GAS7: variants seen among roughly 807,000 people sequenced by gnomAD.
GAS7 encodes the protein growth arrest specific 7, also known as growth arrest-specific protein 7.
Under a neutral mutation model 71.1 loss-of-function variants are expected in GAS7, and 28 were observed. That is an observed-to-expected ratio of 0.39 (90% confidence interval 0.29 to 0.54). The LOEUF (loss-of-function observed/expected upper bound fraction) is 0.54. Among genes scored for constraint, GAS7 ranks in the 20% least tolerant of loss-of-function variants. The pLI is 0.62. For missense variants in GAS7, 436 were observed against 627.8 expected, an observed-to-expected ratio of 0.69 and a Z score of 3.27; for synonymous variants, 258 against 245.8, an observed-to-expected ratio of 1.05 and a Z score of -0.46.
intron 1 of GAS7, among the ~76,000 whole-genome samples, chr17:10,093,248 T>C (rs1376010127): frequency 6.6e-6 from 1 of 152,164 alleles, no homozygotes; most frequent in Admixed American, 6.5e-5. Context: ...TCCATTCATA[T>C]CTAATATCCT....
chr17:10,016,620 A>C (rs9893534), intron 2 of GAS7, among the ~76,000 whole-genome samples: 12,056 of 131,484 alleles, frequency 0.092, 1,086 homozygotes, highest in African/African-American at 0.24. Context: ...AAAAAAAAAA[A>C]AAAACAAAAC....
At chr17:10,100,081 C>T (rs115151008) in intron 1 of GAS7, among the ~76,000 whole-genome samples, 2,064 of 152,078 alleles carry the variant, frequency 0.014, 46 homozygotes, top group African/African-American at 0.047. Flanking sequence ...TTAAAGGCTC[C>T]GAAAGAGGAA....
chr17:10,032,629 A>G (rs1019712554), intron 1 of GAS7, among the ~76,000 whole-genome samples: 21 of 152,206 alleles, frequency 1.4e-4, no homozygotes, highest in African/African-American at 5.1e-4. Context: ...CACAAGGAAA[A>G]TATCAAGGCA....
At chr17:9,947,771 A>G (rs1452378417) in intron 5 of GAS7, among the ~76,000 whole-genome samples, 6 of 151,704 alleles carry the variant, frequency 4.0e-5, no homozygotes, top group African/African-American at 1.5e-4. Flanking sequence ...TCTCAAAAAA[A>G]AAAAAAAGAA....
chr17:10,130,329 TA>T (rs35108339), intron 1 of GAS7, among the ~76,000 whole-genome samples: 36,440 of 127,378 alleles, frequency 0.29, 4,734 homozygotes, highest in Admixed American at 0.35. Context: ...AGCTATGATT[TA>T]AAAAAAAAAA....
chr17:10,122,092 C>G (rs1285125301), intron 1 of GAS7, among the ~76,000 whole-genome samples: 2 of 152,186 alleles, frequency 1.3e-5, no homozygotes, highest in Non-Finnish European at 2.9e-5. Flanking sequence ...CCATCATCAA[C>G]GAGATGTAAA....
chr17:10,178,031 A>G (rs1228641606), intron 1 of GAS7, among the ~76,000 whole-genome samples: 2 of 151,986 alleles, frequency 1.3e-5, no homozygotes, highest in African/African-American at 4.8e-5. Context: ...GCATCACATA[A>G]CACTGGGTTT....
chr17:9,922,126 A>T (rs2067838014), intron 11 of GAS7, among the ~76,000 whole-genome samples: 2 of 152,180 alleles, frequency 1.3e-5, no homozygotes, highest in African/African-American at 4.8e-5. Flanking sequence ...ATATGTCAAA[A>T]TATGTAAAGC....
chr17:9,972,533 C>T (rs558413395), intron 3 of GAS7, among the ~76,000 whole-genome samples: 6 of 152,176 alleles, frequency 3.9e-5, no homozygotes, highest in African/African-American at 4.8e-5. Context: ...AAAGAAGACC[C>T]GAATAATTTA....
At chr17:10,171,672 G>A (rs1479619710) in intron 1 of GAS7, among the ~76,000 whole-genome samples, 1 of 152,192 alleles carries the variant, frequency 6.6e-6, no homozygotes, top group East Asian at 1.9e-4. Flanking sequence ...TAAAAACCAG[G>A]CAGTCCGTGT....
At chr17:10,031,343 C>T (rs902492016) in intron 1 of GAS7, among the ~76,000 whole-genome samples, 1 of 152,196 alleles carries the variant, frequency 6.6e-6, no homozygotes, top group Non-Finnish European at 1.5e-5. Context: ...ATAATTACAA[C>T]GCAGTCCCTG....
intron 1 of GAS7, among the ~76,000 whole-genome samples, chr17:10,136,520 G>A (rs1376183123): frequency 1.3e-5 from 2 of 152,162 alleles, no homozygotes; most frequent in East Asian, 1.9e-4. Context: ...TCCCAAAGAT[G>A]AGATCTTCAA....
At chr17:10,041,338 A>T (rs1567564029) in intron 1 of GAS7, among the ~76,000 whole-genome samples, 1 of 152,316 alleles carries the variant, frequency 6.6e-6, no homozygotes, top group East Asian at 1.9e-4. Context: ...GCTGTTAAAC[A>T]TTAACAGCCG....
chr17:10,068,002 T>C (rs1267643015), intron 1 of GAS7, among the ~76,000 whole-genome samples: 1 of 152,230 alleles, frequency 6.6e-6, no homozygotes, highest in Non-Finnish European at 1.5e-5. Flanking sequence ...ACCAATGGTC[T>C]CTACCTTGGT....
intron 2 of GAS7, among the ~76,000 whole-genome samples, chr17:10,018,793 G>A (rs2072144497): frequency 1.3e-5 from 2 of 152,164 alleles, no homozygotes; most frequent in Admixed American, 6.5e-5. Flanking sequence ...GGGAAGGGGT[G>A]GTCATGTAGT....
intron 1 of GAS7, among the ~76,000 whole-genome samples, chr17:10,084,712 G>C (rs7215676): frequency 0.61 from 92,041 of 152,028 alleles, 28,462 homozygotes; most frequent in Non-Finnish European, 0.64. Flanking sequence ...GGTGATCCAC[G>C]TGCCTCGGCC....
At chr17:9,990,476 A>T (rs564873408) in intron 2 of GAS7, among the ~76,000 whole-genome samples, 1 of 152,244 alleles carries the variant, frequency 6.6e-6, no homozygotes, top group South Asian at 2.1e-4. Context: ...AGTCTCAGGG[A>T]CCACCCAGGA....
chr17:10,023,507 A>T (rs1362371192), intron 1 of GAS7, among the ~76,000 whole-genome samples: 6 of 146,352 alleles, frequency 4.1e-5, no homozygotes, highest in African/African-American at 1.6e-4. Flanking sequence ...TCAGAAATTA[A>T]AAAAAAAAAT....
intron 2 of GAS7, among the ~76,000 whole-genome samples, chr17:9,996,379 CA>C (rs2152150835): frequency 7.0e-6 from 1 of 143,104 alleles, no homozygotes; most frequent in East Asian, 2.1e-4. Context: ...AATGAGAACA[CA>C]GGGACACAGG....
Sources: allele counts gnomAD v4.1 joint callset (sites outside exome capture counted in the v4.1 genomes callset), GRCh38; gene constraint gnomAD v4.1.1; transcripts MANE v1.5; gene names NCBI Gene and HGNC (gene_info 2026-07-23, HGNC 2026-07-21).